Variants in IL18R1 observed in about 807,000 individuals in gnomAD.
IL18R1 encodes the protein interleukin-18 receptor 1.
Under a neutral mutation model 48.5 loss-of-function variants are expected in IL18R1, and 40 were observed. That is an observed-to-expected ratio of 0.82 (90% CI 0.64 to 1.07). The LOEUF is 1.07. Ranked by LOEUF, IL18R1 falls within the 50% of genes least tolerant of loss-of-function variation. IL18R1 has a pLI of 0.00. For missense variants in IL18R1, 596 were observed against 633.7 expected (o/e 0.94, Z 0.64); for synonymous variants, 232 against 225.9 (o/e 1.03, Z -0.24).
chr2:102,373,992 T>A (rs765211094), intron 4 of IL18R1: 8 of 443,214 alleles, frequency 1.8e-5, no homozygotes, highest in Non-Finnish European at 3.6e-5. Flanking sequence ...TTCTACATTA[T>A]GGTGAGTTGT....
Position 102,397,881 on chromosome 2 carries a change from T to C in IL18R1, c.*995T>C, listed in dbSNP as rs918358268. 1.3e-5 allele frequency: 2 copies of C among 152,228 alleles called. No individual in the cohort carries two copies. The highest frequency in any genetic ancestry group is 4.8e-5 in the African/African-American group (2 of 41,430). 9.4% of individuals were successfully genotyped at this position (152,228 alleles called of 1,614,324 possible). A position where few individuals can be genotyped will look rare whatever the true frequency, so the allele number is the denominator to read the frequency against. ...TTATCCAACCTCTTGGTGCTTCAGT[T>C]TCCTCATCTGTGAAATTAGAATTTA... is the stretch of plus-strand genomic sequence containing the variant. On this transcript the variant is annotated 3_prime_UTR_variant, in exon 11 of 11. Transcript: ENST00000233957.
intron 8 of IL18R1, 104 bp downstream of exon 8, chr2:102,387,104 C>A: frequency 1.6e-6 from 2 of 1,228,520 alleles, no homozygotes; most frequent in Non-Finnish European, 2.3e-6. Flanking sequence ...AACCCAGCTC[C>A]TGAGAGGGGA....
chr2:102,360,145 T>C (rs1365415782), intron 1 of IL18R1, among the ~76,000 whole-genome samples: 3 of 152,242 alleles, frequency 2.0e-5, no homozygotes, highest in Non-Finnish European at 4.4e-5. Context: ...TAAATGATAA[T>C]ATATCCACAT....
At chr2:102,367,759 CA>C in intron 2 of IL18R1, 65 bp from the exon 3 acceptor site, 32 of 1,478,156 alleles carry the variant, frequency 2.2e-5, no homozygotes, top group Middle Eastern at 1.9e-4. Context: ...ATTAGGAGAC[CA>C]AAAAAAGTTA....
intron 1 of IL18R1, 72 bp downstream of exon 1, chr2:102,356,472 G>T (rs776618334): frequency 1.9e-4 from 42 of 218,198 alleles, no homozygotes; most frequent in Non-Finnish European, 3.1e-4. Flanking sequence ...ACCATCCGGG[G>T]AGGGATTCTC....
At chr2:102,390,715 C>G (rs1423385780) in intron 9 of IL18R1, among the ~76,000 whole-genome samples, 1 of 151,988 alleles carries the variant, frequency 6.6e-6, no homozygotes, top group Non-Finnish European at 1.5e-5. Flanking sequence ...GGGCAGATCA[C>G]GAGGTCAGGA....
chr2:102,368,261 C>A (rs1482933808), intron 3 of IL18R1, among the ~76,000 whole-genome samples, 193 bp downstream of exon 3: 1 of 152,164 alleles, frequency 6.6e-6, no homozygotes, highest in Non-Finnish European at 1.5e-5. Context: ...TTCTTAGTGA[C>A]CTTAATGAAA....
chr2:102,392,683 A>G (rs1457349130), intron 9 of IL18R1, among the ~76,000 whole-genome samples: 3 of 152,212 alleles, frequency 2.0e-5, no homozygotes, highest in East Asian at 3.8e-4. Context: ...TAATCAATAA[A>G]CAACAACAAA....
At chr2:102,369,026 A>G (rs1679081445) in intron 3 of IL18R1, among the ~76,000 whole-genome samples, 1 of 152,176 alleles carries the variant, frequency 6.6e-6, no homozygotes, top group Non-Finnish European at 1.5e-5. Flanking sequence ...CAGGCATCAG[A>G]AAAAAATTAA....
Position 102,363,198 on chromosome 2 carries a change from GT to G in IL18R1, c.58+492del, listed in dbSNP as rs58513522. Among the ~76,000 whole-genome samples the G allele has an allele frequency of 1.4e-3, 214 of 148,176 alleles. 8 individuals carry two copies. In the South Asian group the frequency reaches 0.033, roughly 23 times the overall value. On this transcript the variant is annotated intron_variant, in intron 2 of 10. Transcript: ENST00000233957. ...AATTTATTAGCAGTGATTGCCTAGAGTTTTTTTTTTTTATTTGAGAAGGATT... is the reference window on the plus strand; with the variant it reads ...AATTTATTAGCAGTGATTGCCTAGAGTTTTTTTTTTTATTTGAGAAGGATT...
chr2:102,385,786 G>A (rs1398351650), intron 7 of IL18R1, among the ~76,000 whole-genome samples: 3 of 152,166 alleles, frequency 2.0e-5, no homozygotes, highest in Non-Finnish European at 4.4e-5. Flanking sequence ...TTTGAAATTT[G>A]TGGATCTCCT....
chr2:102,395,708 G>C (rs1449938812), intron 10 of IL18R1, among the ~76,000 whole-genome samples: 1 of 152,178 alleles, frequency 6.6e-6, no homozygotes, highest in Non-Finnish European at 1.5e-5. Flanking sequence ...CTTGAAAACA[G>C]ATTTATTCTT....
At chr2:102,384,337 G>T (rs1305140294) in intron 6 of IL18R1, among the ~76,000 whole-genome samples, 3 of 152,204 alleles carry the variant, frequency 2.0e-5, no homozygotes, top group African/African-American at 4.8e-5. Context: ...CTGTGCAGCT[G>T]CCGAGAGCTT....
chr2:102,372,759 C>A (rs533792360), intron 4 of IL18R1, among the ~76,000 whole-genome samples: 1 of 152,210 alleles, frequency 6.6e-6, no homozygotes, highest in Non-Finnish European at 1.5e-5. Context: ...ATCTAACTAA[C>A]CCCCTTGTTT....
intron 3 of IL18R1, among the ~76,000 whole-genome samples, chr2:102,368,733 AC>A (rs957686334): frequency 1.2e-4 from 18 of 152,286 alleles, no homozygotes; most frequent in African/African-American, 3.9e-4. Flanking sequence ...ACCCACACTT[AC>A]CGAACATGTT....
intron 5 of IL18R1, among the ~76,000 whole-genome samples, chr2:102,377,009 C>A (rs1679627763): frequency 6.6e-6 from 1 of 152,218 alleles, no homozygotes. Flanking sequence ...AATGACAGCT[C>A]CTTTCGTGAT....
chr2:102,380,299 G>A (rs1196699078), intron 5 of IL18R1, among the ~76,000 whole-genome samples: 2 of 152,172 alleles, frequency 1.3e-5, no homozygotes, highest in Non-Finnish European at 2.9e-5. Flanking sequence ...TTAGTAGACA[G>A]CATCCTTTGC....
intron 2 of IL18R1, among the ~76,000 whole-genome samples, chr2:102,364,607 A>T (rs1678774296): frequency 6.6e-6 from 1 of 152,208 alleles, no homozygotes; most frequent in African/African-American, 2.4e-5. Flanking sequence ...ACCAGAAAAC[A>T]TGAAGTTGGT....
chr2:102,366,762 AACTC>A (rs1171778582), intron 2 of IL18R1, among the ~76,000 whole-genome samples: 1 of 152,180 alleles, frequency 6.6e-6, no homozygotes, highest in Non-Finnish European at 1.5e-5. Flanking sequence ...ATCTCATGAG[AACTC>A]ACTCACTATC....
Sources: gnomAD v4.1 joint callset for allele counts (sites outside exome capture counted in the v4.1 genomes callset) on GRCh38, gnomAD v4.1.1 for gene constraint, MANE v1.5 for transcripts, NCBI Gene and HGNC (gene_info 2026-07-23, HGNC 2026-07-21) for gene names.